DUSP5: variants seen among roughly 807,000 people sequenced by gnomAD.
The protein encoded by DUSP5 is dual specificity protein phosphatase 5.
Under a neutral mutation model 33.6 loss-of-function variants are expected in DUSP5, and 22 were observed. The observed-to-expected ratio is 0.66, with a 90% confidence interval of 0.47 to 0.94. DUSP5 has a LOEUF of 0.94. DUSP5 is among the 40% of genes least tolerant of loss of function. The pLI is 0.00. For synonymous variants in DUSP5, 270 were observed against 231.1 expected, an observed-to-expected ratio of 1.17 and a Z score of -1.53; for missense variants, 551 against 522.1, an observed-to-expected ratio of 1.06 and a Z score of -0.54.
At position 110,498,070 on chromosome 10, in the gene DUSP5, G is replaced by T; in HGVS notation, c.-52G>T. The T allele has an allele frequency of 8.8e-7, 1 of 1,136,986 alleles. No homozygotes were observed. The highest frequency in any genetic ancestry group is 1.1e-6 in the Non-Finnish European group (1 of 934,154). The allele number at this position is 1,136,986 out of a possible 1,614,324, so 70.4% of individuals were successfully genotyped here. On this transcript the variant is annotated 5_prime_UTR_variant, in exon 1 of 4. Coordinates refer to ENST00000369583, the MANE Select transcript of DUSP5 (RefSeq NM_004419.4). ...CCCTGGCCGTGGACACCCTGGCCGTGGGCACCCGCGGGGCGCGCGGCGCGG... is the reference window on the plus strand; with the variant it reads ...CCCTGGCCGTGGACACCCTGGCCGTTGGCACCCGCGGGGCGCGCGGCGCGG...
intron 1 of DUSP5, among the ~76,000 whole-genome samples, chr10:110,500,093 A>T (rs1010200643): frequency 1.1e-4 from 16 of 152,000 alleles, no homozygotes; most frequent in African/African-American, 3.1e-4. Flanking sequence ...ACCCAGTTCC[A>T]CTCCCCAGAG....
intron 3 of DUSP5, among the ~76,000 whole-genome samples, chr10:110,508,215 C>T (rs1352924905): frequency 6.6e-6 from 1 of 152,126 alleles, no homozygotes; most frequent in Admixed American, 6.5e-5. Context: ...TCCTGCTTGT[C>T]CCCTGAGCCT....
rs34104408 is a variant in DUSP5 at position 110,505,477 on chromosome 10, A to C, written c.529-1458A>C. Among the ~76,000 whole-genome samples the C allele has an allele frequency of 4.9e-3, 743 of 152,352 alleles. 4 individuals carry two copies. Among genetic ancestry groups the C allele is most frequent in the Non-Finnish European group, 8.7e-3 (592 of 68,036 alleles). ...GTGTAATTTTCTTTCAAGTGACTGA[A>C]CTGGCCTTTGCTTAAACACTTGACT... On this transcript the variant is annotated intron_variant, in intron 2 of 3. Coordinates refer to ENST00000369583, the MANE Select transcript of DUSP5 (RefSeq NM_004419.4).
chr10:110,502,597 C>T (rs999634165), intron 1 of DUSP5, 124 bp from the exon 2 acceptor site: 7 of 1,162,246 alleles, frequency 6.0e-6, no homozygotes, highest in Non-Finnish European at 4.8e-6. Context: ...TGACCAGAAT[C>T]TGTACTGGCT....
chr10:110,498,208 G>T lies in DUSP5; in HGVS notation c.87G>T (p.Arg29=), dbSNP rs1233138813. The T allele has an allele frequency of 6.6e-7, 1 of 1,510,246 alleles. No homozygotes were observed. 93.6% of individuals were successfully genotyped at this position (1,510,246 alleles called of 1,614,324 possible). ...CGCGCTGCGTGGTGCTCGACTGCCGGCCCTATCTGGCCTTCGCTGCCTCGA... is the reference window on the plus strand; with the variant it reads ...CGCGCTGCGTGGTGCTCGACTGCCGTCCCTATCTGGCCTTCGCTGCCTCGA... ...AAARCVVLDC[R]PYLAFAASNV... Residue 29 remains arginine, a synonymous_variant, in exon 1 of 4, where the codon CGG becomes CGT. Coordinates refer to ENST00000369583, the MANE Select transcript of DUSP5 (RefSeq NM_004419.4).
intron 1 of DUSP5, among the ~76,000 whole-genome samples, chr10:110,500,324 C>T (rs11195158): frequency 1.2e-3 from 178 of 152,306 alleles, no homozygotes; most frequent in African/African-American, 4.0e-3. Context: ...CGGTAGATGT[C>T]CTTCTCCATG....
chr10:110,503,154 CATT>C (rs1214509740), intron 2 of DUSP5, among the ~76,000 whole-genome samples: 1 of 152,200 alleles, frequency 6.6e-6, no homozygotes, highest in East Asian at 1.9e-4. Flanking sequence ...GTGAAAGATA[CATT>C]ATTGTCATCT....
rs1860188019 is a variant in DUSP5 at position 110,511,137 on chromosome 10, TC to T, written c.*713del. 1 of 152,634 alleles carries T rather than the reference TC, an allele frequency of 6.6e-6. No homozygotes were observed. The highest frequency in any genetic ancestry group is 1.5e-5 in the Non-Finnish European group (1 of 68,038). 9.5% of individuals were successfully genotyped at this position (152,634 alleles called of 1,614,324 possible). On this transcript the variant is annotated 3_prime_UTR_variant, in exon 4 of 4. Transcript: ENST00000369583. ...TTCCACCTCTTCTCAGAGCAACTCT[TC>T]CTTTGGGAAAAGAGTTCTTCAGATC...
intron 2 of DUSP5, among the ~76,000 whole-genome samples, chr10:110,505,325 G>A (rs1860105421): frequency 6.6e-6 from 1 of 152,204 alleles, no homozygotes; most frequent in Non-Finnish European, 1.5e-5. Flanking sequence ...TGGGAATAAT[G>A]TTACCTACCT....
At chr10:110,506,487 C>T (rs1183060839) in intron 2 of DUSP5, among the ~76,000 whole-genome samples, 2 of 152,098 alleles carry the variant, frequency 1.3e-5, no homozygotes, top group Non-Finnish European at 2.9e-5. Flanking sequence ...TAAAGGAGGA[C>T]ACACACCATG....
chr10:110,510,571 C>CAAAT lies in DUSP5; in HGVS notation c.*146_*149dup, dbSNP rs1469020149. The CAAAT allele has an allele frequency of 6.5e-5, 77 of 1,180,774 alleles. No individual in the cohort carries two copies. In the African/African-American group the frequency reaches 1.1e-3, roughly 17 times the overall value. The allele number at this position is 1,180,774 out of a possible 1,614,324, so 73.1% of individuals were successfully genotyped here. A position where few individuals can be genotyped will look rare whatever the true frequency, so the allele number is the denominator to read the frequency against. On this transcript the variant is annotated 3_prime_UTR_variant, in exon 4 of 4. Transcript: ENST00000369583. ...AGATAGTGAGTGGTCACCAGGCTTG[C>CAAAT]AAATGAACTTCAGACGGACCTCAGG... is the stretch of plus-strand genomic sequence containing the variant.
chr10:110,508,027 CTT>C (rs1357669165), intron 3 of DUSP5, among the ~76,000 whole-genome samples: 2 of 152,326 alleles, frequency 1.3e-5, no homozygotes, highest in African/African-American at 4.8e-5. Flanking sequence ...TTTCCTGTCT[CTT>C]GTTCCAAGGG....
chr10:110,510,308 GCCCTGA>G lies in DUSP5; in HGVS notation c.1039_1044del (p.Pro347_Asp348del). On this transcript the variant is annotated inframe_deletion, in exon 4 of 4. Coordinates refer to ENST00000369583, the MANE Select transcript of DUSP5 (RefSeq NM_004419.4). ...CTGATAGGCCATTTGCAGACACTGA[GCCCTGA>G]CATGCAGGGTGCCTACTGCACATTC... 6.2e-7 allele frequency: 1 copy of G among 1,614,200 alleles called. No individual in the cohort carries two copies. Among genetic ancestry groups the G allele is most frequent in the South Asian group, 1.1e-5 (1 of 91,086 alleles).
chr10:110,498,617 C>T (rs1859995404), intron 1 of DUSP5, 117 bp downstream of exon 1: 1 of 1,280,812 alleles, frequency 7.8e-7, no homozygotes, highest in Non-Finnish European at 9.9e-7. Context: ...CAGGAGTCTG[C>T]ACCCTGTGGC....
chr10:110,509,044 G>A (rs1053056969), intron 3 of DUSP5, among the ~76,000 whole-genome samples: 5 of 152,214 alleles, frequency 3.3e-5, no homozygotes, highest in Non-Finnish European at 7.3e-5. Context: ...TGTAGCCTGC[G>A]TAGTGCCAGC....
chr10:110,502,579 A>G, intron 1 of DUSP5, 142 bp from the exon 2 acceptor site: 1 of 995,824 alleles, frequency 1.0e-6, no homozygotes, highest in African/African-American at 1.6e-5. Flanking sequence ...GTTTTGCTCA[A>G]TTTTTAATGA....
At chr10:110,509,001 T>C (rs566618090) in intron 3 of DUSP5, among the ~76,000 whole-genome samples, 74 of 152,354 alleles carry the variant, frequency 4.9e-4, no homozygotes, top group African/African-American at 1.8e-3. Flanking sequence ...CTTTTTCTTT[T>C]GGCCCTTCAA....
At chr10:110,498,675 C>T (rs896503364) in intron 1 of DUSP5, among the ~76,000 whole-genome samples, 175 bp downstream of exon 1, 2 of 152,184 alleles carry the variant, frequency 1.3e-5, no homozygotes, top group Non-Finnish European at 2.9e-5. Flanking sequence ...CTCAGAGCTC[C>T]CCCTCTTCCC....
intron 3 of DUSP5, 137 bp from the exon 4 acceptor site, chr10:110,509,883 G>C (rs1020746882): frequency 1.7e-6 from 2 of 1,172,906 alleles, no homozygotes; most frequent in Non-Finnish European, 2.4e-6. Context: ...ACTGGCAGAA[G>C]TGTAGTGTAG....
Sources: gnomAD v4.1 joint callset for allele counts (sites outside exome capture counted in the v4.1 genomes callset) on GRCh38, gnomAD v4.1.1 for gene constraint, MANE v1.5 for transcripts, NCBI Gene and HGNC (gene_info 2026-07-23, HGNC 2026-07-21) for gene names.